The following GDPD4 variants were observed in gnomAD, a reference collection of about 807,000 sequenced individuals.
GDPD4 encodes the protein glycerophosphodiester phosphodiesterase 6.
GDPD4 carries 60 observed loss-of-function variants against 67.8 expected under a neutral mutation model. The observed-to-expected ratio is 0.88, with a 90% confidence interval of 0.72 to 1.10. GDPD4 has a LOEUF of 1.10. Among genes scored for constraint, GDPD4 ranks in the 50% least tolerant of loss-of-function variants. The pLI, the probability that GDPD4 is intolerant of heterozygous loss-of-function variation, is 0.00. For missense variants in GDPD4, 623 were observed against 613.9 expected, an observed-to-expected ratio of 1.01 and a Z score of -0.16; for synonymous variants, 212 against 210.9, an observed-to-expected ratio of 1.00 and a Z score of -0.04.
At chr11:77,276,296 C>A in intron 4 of GDPD4, 76 bp from the exon 5 acceptor site, 1 of 1,092,454 alleles carries the variant, frequency 9.2e-7, no homozygotes, top group Non-Finnish European at 1.4e-6. Flanking sequence ...TCCTATAGCT[C>A]CAAATTCCGT....
intron 5 of GDPD4, 104 bp downstream of exon 5, chr11:77,276,053 CAGAG>C: frequency 1.3e-6 from 1 of 743,978 alleles, no homozygotes; most frequent in Non-Finnish European, 2.4e-6. Context: ...AGAACAGTAA[CAGAG>C]AGGGTAACCC....
chr11:77,282,392 C>T (rs1959795521), intron 3 of GDPD4, among the ~76,000 whole-genome samples: 1 of 152,124 alleles, frequency 6.6e-6, no homozygotes, highest in Non-Finnish European at 1.5e-5. Context: ...CGGTAGCTCA[C>T]ACCTGCAATC....
intron 13 of GDPD4, among the ~76,000 whole-genome samples, chr11:77,235,009 G>GTGTTTTTTTTTTTTTT (rs1413310722): frequency 1.9e-5 from 1 of 52,254 alleles, no homozygotes. Flanking sequence ...GTCAATATCT[G>GTGTTTTTTTTTTTTTT]TTTTTTTTTT....
chr11:77,301,215 A>T (rs1020456753), intron 1 of GDPD4, among the ~76,000 whole-genome samples: 1 of 152,154 alleles, frequency 6.6e-6, no homozygotes, highest in Non-Finnish European at 1.5e-5. Flanking sequence ...CTCAAAAGTA[A>T]TATGTCCAAA....
intron 4 of GDPD4, among the ~76,000 whole-genome samples, 170 bp from the exon 5 acceptor site, chr11:77,276,390 A>C (rs1959471121): frequency 6.6e-6 from 1 of 151,996 alleles, no homozygotes; most frequent in African/African-American, 2.4e-5. Flanking sequence ...TTGCCTGAAA[A>C]AGCTCCCTCT....
intron 16 of GDPD4, 113 bp downstream of exon 16, chr11:77,227,751 C>CCA: frequency 1.3e-6 from 1 of 742,774 alleles, no homozygotes; most frequent in Non-Finnish European, 2.4e-6. Context: ...AACCCCACCC[C>CCA]CAACTTTCCA....
rs550661679 is a variant in GDPD4, at chr11:77,277,489, G to A, written c.148-1269C>T. ...TCGATCTCGGCTCAGTGCAAGCTCC[G>A]CCTCCCAGGTTCACGCCATTCTCCT... On this transcript the variant is annotated intron_variant, in intron 4 of 16. Coordinates refer to ENST00000315938, the MANE Select transcript of GDPD4 (RefSeq NM_182833.3). Among the ~76,000 whole-genome samples, 45 of 133,656 alleles carry A rather than the reference G, an allele frequency of 3.4e-4. No homozygotes were observed. In the South Asian group the frequency reaches 0.011, roughly 32 times the overall value. 87.7% of individuals were successfully genotyped at this position (133,656 alleles called of 152,430 possible).
intron 13 of GDPD4, among the ~76,000 whole-genome samples, chr11:77,238,269 T>A (rs1268739791): frequency 6.6e-6 from 1 of 152,206 alleles, no homozygotes; most frequent in Non-Finnish European, 1.5e-5. Flanking sequence ...GTACTAAGTG[T>A]CACTGAATTG....
chr11:77,231,384 G>A (rs1958451734), intron 14 of GDPD4, among the ~76,000 whole-genome samples: 1 of 152,130 alleles, frequency 6.6e-6, no homozygotes, highest in Non-Finnish European at 1.5e-5. Flanking sequence ...AGTAAGTAAT[G>A]GAGCCAAGAT....
chr11:77,285,009 A>T lies in GDPD4; in HGVS notation c.53+76T>A. The stretch of plus-strand genomic sequence containing the variant: ...CCCTACTATATCACCGGATCTTTTC[A>T]GCCTGAGGTAGAATCCAGGTGGCTA... On this transcript the variant is annotated intron_variant, in intron 3 of 16. Coordinates refer to ENST00000315938, the MANE Select transcript of GDPD4 (RefSeq NM_182833.3). The T allele has an allele frequency of 3.8e-6, 4 of 1,051,684 alleles. No homozygotes were observed. In the South Asian group the frequency reaches 5.3e-5, roughly 14 times the overall value. The allele number at this position is 1,051,684 out of a possible 1,614,324, so 65.1% of individuals were successfully genotyped here.
chr11:77,231,290 CTAT>C (rs1408339178), intron 14 of GDPD4, among the ~76,000 whole-genome samples: 4 of 152,148 alleles, frequency 2.6e-5, no homozygotes, highest in African/African-American at 9.7e-5. Flanking sequence ...TTCTACTGCA[CTAT>C]TATTATCCCC....
Position 77,216,912 on chromosome 11 carries a change from T to C in GDPD4, c.*365A>G, listed in dbSNP as rs563805654. 18 of 696,970 alleles carry C rather than the reference T, an allele frequency of 2.6e-5. No homozygotes were observed. The East Asian group carries it at 4.3e-4, about 17-fold the overall frequency. The allele number at this position is 696,970 out of a possible 1,614,324, so 43.2% of individuals were successfully genotyped here. Reference sequence around the variant, plus strand: ...TAGGATTATTTGGAGTATTCAGCCATGGGGATCTCTTAGAGGTCTCTTATT... The same window carrying C: ...TAGGATTATTTGGAGTATTCAGCCACGGGGATCTCTTAGAGGTCTCTTATT... On this transcript the variant is annotated 3_prime_UTR_variant, in exon 17 of 17. Transcript: ENST00000315938.
chr11:77,234,690 T>C (rs1958517193), intron 13 of GDPD4, among the ~76,000 whole-genome samples: 1 of 152,254 alleles, frequency 6.6e-6, no homozygotes, highest in African/African-American at 2.4e-5. Flanking sequence ...TTCTTTCTTA[T>C]GGCTGCATAG....
chr11:77,296,081 C>T (rs542953798), intron 1 of GDPD4, among the ~76,000 whole-genome samples: 5 of 151,650 alleles, frequency 3.3e-5, no homozygotes, highest in Non-Finnish European at 5.9e-5. Context: ...GAAACCCCGT[C>T]TCTACTAAAA....
intron 3 of GDPD4, among the ~76,000 whole-genome samples, chr11:77,281,464 TCTAG>T (rs1286413817): frequency 6.6e-6 from 1 of 152,202 alleles, no homozygotes; most frequent in Non-Finnish European, 1.5e-5. Context: ...TTCTGCTCTT[TCTAG>T]CTAAGGGGAA....
chr11:77,278,828 G>A (rs1055947589), intron 4 of GDPD4, among the ~76,000 whole-genome samples: 11 of 152,186 alleles, frequency 7.2e-5, no homozygotes, highest in African/African-American at 2.7e-4. Flanking sequence ...ATTGCCAAAG[G>A]CTTTTGCTAA....
At chr11:77,275,854 T>C (rs1024236008) in intron 5 of GDPD4, among the ~76,000 whole-genome samples, 7 of 152,180 alleles carry the variant, frequency 4.6e-5, no homozygotes, top group African/African-American at 1.7e-4. Flanking sequence ...GGGAAATTAA[T>C]GGAATGAGTG....
intron 11 of GDPD4, among the ~76,000 whole-genome samples, chr11:77,250,516 C>G (rs1445909580): frequency 6.6e-6 from 1 of 152,062 alleles, no homozygotes; most frequent in Non-Finnish European, 1.5e-5. Flanking sequence ...CCATTGTGGT[C>G]AGAAAAGATA....
chr11:77,252,050 GTTTGTTTTTTTTTT>G (rs1958910943), intron 11 of GDPD4, among the ~76,000 whole-genome samples: 1 of 71,944 alleles, frequency 1.4e-5, no homozygotes, highest in Non-Finnish European at 3.1e-5. Flanking sequence ...TTTTTTGTTT[GTTTGTTTTTTTTTT>G]GTTTTTTTTT....
Sources: allele counts gnomAD v4.1 joint callset (sites outside exome capture counted in the v4.1 genomes callset), GRCh38; gene constraint gnomAD v4.1.1; transcripts MANE v1.5; gene names NCBI Gene and HGNC (gene_info 2026-07-23, HGNC 2026-07-21).